The following DCLRE1C variants were observed in gnomAD, a reference collection of about 807,000 sequenced individuals.
DCLRE1C encodes the protein DNA cross-link repair 1C.
A neutral mutation model predicts 61.4 loss-of-function variants in DCLRE1C; 47 were observed. The ratio of observed to expected loss-of-function variants is 0.77; its 90% confidence interval spans 0.61 to 0.98. The LOEUF (loss-of-function observed/expected upper bound fraction) is 0.98. DCLRE1C is among the 50% of genes least tolerant of loss of function. The pLI is 0.00. For missense variants in DCLRE1C, 858 were observed against 816.0 expected (o/e 1.05, Z -0.63); for synonymous variants, 337 against 287.6 (o/e 1.17, Z -1.74).
In DCLRE1C at chr10:14,904,758, A is replaced by C. The variant is rs1052784635; in HGVS notation, c.*3650T>G. Among the ~76,000 whole-genome samples, 15 of 152,196 alleles carry C rather than the reference A, an allele frequency of 9.9e-5. 1 individual carries two copies. The highest frequency in any genetic ancestry group is 9.8e-4 in the Admixed American group (15 of 15,282). On this transcript the variant is annotated 3_prime_UTR_variant, in exon 14 of 14. Coordinates refer to ENST00000378278, the MANE Select transcript of DCLRE1C (RefSeq NM_001033855.3). ...TGTTATTAAGGGGTTTAACTATTTT[A>C]AGTCAACATTTAGCTTATCCATCAT...
chr10:14,926,509 C>G (rs58528178), intron 11 of DCLRE1C, among the ~76,000 whole-genome samples: 1 of 151,982 alleles, frequency 6.6e-6, no homozygotes, highest in Non-Finnish European at 1.5e-5. Context: ...AAAATTTTAG[C>G]TGGGCATGGT....
chr10:14,928,665 C>A (rs2130859584), intron 9 of DCLRE1C, among the ~76,000 whole-genome samples: 1 of 152,138 alleles, frequency 6.6e-6, no homozygotes, highest in Middle Eastern at 3.4e-3. Flanking sequence ...GGTGACGTAC[C>A]ATGGAGTCTG....
rs975675243 is a variant in DCLRE1C at position 14,909,480 on chromosome 10, A to G, written c.1157-150T>C. The stretch of plus-strand genomic sequence containing the variant: ...AGATATTCTTGGGATATGCTGAACA[A>G]TTTAACTGCCATCCTTCAACTTTTT... On this transcript the variant is annotated intron_variant, in intron 13 of 13. Transcript: ENST00000378278. The G allele has an allele frequency of 7.2e-6, 5 of 698,204 alleles. No homozygotes were observed. The African/African-American group carries it at 9.0e-5, about 13-fold the overall frequency. 43.3% of individuals were successfully genotyped at this position (698,204 alleles called of 1,614,324 possible). A position where few individuals can be genotyped will look rare whatever the true frequency, so the allele number is the denominator to read the frequency against.
intron 4 of DCLRE1C, among the ~76,000 whole-genome samples, chr10:14,939,266 T>C (rs41297000): frequency 0.022 from 3,309 of 151,778 alleles, 92 homozygotes; most frequent in African/African-American, 0.075. Flanking sequence ...GTGAAACCCC[T>C]TCTCTACTAA....
intron 13 of DCLRE1C, among the ~76,000 whole-genome samples, chr10:14,915,553 A>G (rs866550573): frequency 7.9e-5 from 12 of 151,942 alleles, no homozygotes; most frequent in Admixed American, 2.6e-4. Flanking sequence ...AAATTCTTTG[A>G]CAGATTCAAG....
chr10:14,914,325 A>G (rs967836845), intron 13 of DCLRE1C, among the ~76,000 whole-genome samples: 1 of 152,224 alleles, frequency 6.6e-6, no homozygotes, highest in African/African-American at 2.4e-5. Flanking sequence ...TCAAGAGGAT[A>G]TAAGAATCTT....
At chr10:14,933,792 T>C (rs1374821184) in intron 8 of DCLRE1C, among the ~76,000 whole-genome samples, 1 of 152,218 alleles carries the variant, frequency 6.6e-6, no homozygotes, top group African/African-American at 2.4e-5. Flanking sequence ...ACCCAAAGTT[T>C]GGGAAAAATA....
chr10:14,930,902 C>T (rs765251241), intron 9 of DCLRE1C, among the ~76,000 whole-genome samples: 2 of 152,198 alleles, frequency 1.3e-5, no homozygotes, highest in East Asian at 3.8e-4. Context: ...AAATAATTTA[C>T]ACTGCAGCTC....
intron 1 of DCLRE1C, among the ~76,000 whole-genome samples, chr10:14,949,309 A>G (rs1199371942): frequency 6.6e-6 from 1 of 152,200 alleles, no homozygotes; most frequent in Non-Finnish European, 1.5e-5. Flanking sequence ...TCAATTTAAA[A>G]GGAGAGTGAT....
At position 14,908,465 on chromosome 10, in the gene DCLRE1C, C is replaced by T. The variant is rs751162183; in HGVS notation, c.2022G>A (p.Leu674=). Reference sequence around the variant, plus strand: ...TGACTGCTATACTCTCACCAGTTGCCAGCTTCTCATATAAATATTGTAAAT... The same window carrying T: ...TGACTGCTATACTCTCACCAGTTGCTAGCTTCTCATATAAATATTGTAAAT... ...REHLQYLYEK[L]ATGESIAVKK... The change falls in exon 14 of 14, where the codon CTG becomes CTA. Residue 674 remains leucine, a synonymous_variant. Transcript: ENST00000378278. 3 of 1,613,860 alleles carry T rather than the reference C, an allele frequency of 1.9e-6. No individual in the cohort carries two copies. The South Asian group carries it at 3.3e-5, about 18-fold the overall frequency.
At chr10:14,946,535 A>C (rs1841718679) in intron 2 of DCLRE1C, among the ~76,000 whole-genome samples, 1 of 152,088 alleles carries the variant, frequency 6.6e-6, no homozygotes, top group South Asian at 2.1e-4. Context: ...CGGTGGAAGT[A>C]ATTGCATGGC....
downstream of DCLRE1C, chr10:14,903,357 T>A (rs1834147692): frequency 6.6e-6 from 1 of 152,176 alleles, no homozygotes. Context: ...GTCGAGTACC[T>A]CTGATCTAAA....
Position 14,919,160 on chromosome 10 carries a change from C to T in DCLRE1C, c.1156+578G>A, listed in dbSNP as rs41299732. ...GAATGAAAATCAAGAATCCTAACCA[C>T]GAAATAGGGCTGCTGGAAAGCCCCA... is the stretch of plus-strand genomic sequence containing the variant. On this transcript the variant is annotated intron_variant, in intron 13 of 13. Coordinates refer to ENST00000378278, the MANE Select transcript of DCLRE1C (RefSeq NM_001033855.3). Among the ~76,000 whole-genome samples, 91 of 152,218 alleles carry T rather than the reference C, an allele frequency of 6.0e-4. 1 individual carries two copies. The East Asian group carries it at 0.014, about 24-fold the overall frequency.
chr10:14,945,562 G>A (rs530384322), intron 2 of DCLRE1C: 60 of 1,063,760 alleles, frequency 5.6e-5, no homozygotes, highest in Admixed American at 2.0e-4. Context: ...GTGATCAGGT[G>A]TGTCTGGAAA....
At chr10:14,944,467 C>T (rs937669796) in intron 3 of DCLRE1C, among the ~76,000 whole-genome samples, 13 of 151,920 alleles carry the variant, frequency 8.6e-5, no homozygotes, top group Non-Finnish European at 2.9e-5. Context: ...CCACTGCACT[C>T]CAGCCTCGGC....
At chr10:14,930,422 T>C (rs1033960404) in intron 9 of DCLRE1C, among the ~76,000 whole-genome samples, 37 of 148,662 alleles carry the variant, frequency 2.5e-4, no homozygotes, top group South Asian at 2.1e-4. Flanking sequence ...TGTGAGCCAC[T>C]AAGTTTATGG....
At chr10:14,924,193 C>T (rs930451362) in intron 11 of DCLRE1C, among the ~76,000 whole-genome samples, 4 of 152,206 alleles carry the variant, frequency 2.6e-5, no homozygotes, top group African/African-American at 7.2e-5. Context: ...CTCTCTCACT[C>T]GCGTGCGCTC....
downstream of DCLRE1C, chr10:14,903,731 A>C (rs1834173018): frequency 6.6e-6 from 1 of 152,152 alleles, no homozygotes; most frequent in Non-Finnish European, 1.5e-5. Flanking sequence ...TCTGATTCTG[A>C]GATTTCTAAT....
intron 12 of DCLRE1C, chr10:14,920,547 T>G: frequency 3.1e-6 from 1 of 319,464 alleles, no homozygotes; most frequent in Non-Finnish European, 4.5e-6. Flanking sequence ...AGCTGTTCTC[T>G]GGATCCATCC....
Sources: gnomAD v4.1 joint callset for allele counts (sites outside exome capture counted in the v4.1 genomes callset) on GRCh38, gnomAD v4.1.1 for gene constraint, MANE v1.5 for transcripts, NCBI Gene and HGNC (gene_info 2026-07-23, HGNC 2026-07-21) for gene names.